Variants in AGTPBP1 observed in about 807,000 individuals in gnomAD.
AGTPBP1 encodes the protein cytosolic carboxypeptidase 1.
In AGTPBP1, 70 loss-of-function variants were observed where a neutral mutation model predicts 143.9. The ratio of observed to expected loss-of-function variants is 0.49; its 90% CI spans 0.40 to 0.59. The LOEUF is 0.59. Ranked by LOEUF, AGTPBP1 falls within the 20% of genes least tolerant of loss-of-function variation. AGTPBP1 has a pLI of 0.00. For missense variants in AGTPBP1, 1,229 were observed against 1,464.5 expected (o/e 0.84, Z 2.62); for synonymous variants, 463 against 500.2 (o/e 0.93, Z 0.99).
the AGTPBP1 span, among the ~76,000 whole-genome samples, chr9:85,777,244 T>C: frequency 6.6e-6 from 1 of 152,154 alleles, no homozygotes. Flanking sequence ...GGCAGAAGCA[T>C]TGCGTGCAGG....
intron 2 of AGTPBP1, among the ~76,000 whole-genome samples, chr9:85,697,247 G>C (rs1836306160): frequency 6.6e-6 from 1 of 151,898 alleles, no homozygotes; most frequent in South Asian, 2.1e-4. Context: ...AAGAGAATCT[G>C]TTTTCTATTA....
chr9:85,777,671 G>GT, the AGTPBP1 span, among the ~76,000 whole-genome samples: 1 of 152,186 alleles, frequency 6.6e-6, no homozygotes. Flanking sequence ...TATCTTCACA[G>GT]TTTTTGACTA....
intron 14 of AGTPBP1, among the ~76,000 whole-genome samples, chr9:85,630,305 G>T (rs1032278985): frequency 6.6e-6 from 1 of 152,176 alleles, no homozygotes; most frequent in African/African-American, 2.4e-5. Flanking sequence ...CTCAATCACT[G>T]CAACTGTTCT....
chr9:85,717,019 T>C (rs940418485), intron 1 of AGTPBP1, among the ~76,000 whole-genome samples: 1 of 152,228 alleles, frequency 6.6e-6, no homozygotes, highest in Non-Finnish European at 1.5e-5. Context: ...AATGTGCTTC[T>C]GCCAGATATC....
intron 19 of AGTPBP1, among the ~76,000 whole-genome samples, chr9:85,590,172 T>C (rs1828865223): frequency 1.3e-5 from 2 of 152,098 alleles, no homozygotes. Flanking sequence ...AATACGGGTT[T>C]GTTGTAAAAT....
intron 17 of AGTPBP1, among the ~76,000 whole-genome samples, chr9:85,608,449 T>C (rs1830115427): frequency 6.6e-6 from 1 of 152,052 alleles, no homozygotes; most frequent in Non-Finnish European, 1.5e-5. Context: ...ACATAATCAA[T>C]GTGGCAATTT....
the AGTPBP1 span, among the ~76,000 whole-genome samples, chr9:85,773,320 CTTTTTTTTTTTTTTTTT>C: frequency 6.7e-5 from 2 of 29,946 alleles, no homozygotes; most frequent in East Asian, 1.1e-3. Flanking sequence ...CCAACAAATT[CTTTTTTTTTTTTTTTTT>C]TTTTTTTTTT....
the AGTPBP1 span, chr9:85,785,850 C>G: frequency 3.9e-6 from 1 of 254,066 alleles, no homozygotes; most frequent in Non-Finnish European, 7.5e-6. Flanking sequence ...GTACCAAACC[C>G]CCAAAAGACT....
chr9:85,708,409 G>A (rs1837154301), intron 2 of AGTPBP1, among the ~76,000 whole-genome samples: 1 of 152,142 alleles, frequency 6.6e-6, no homozygotes, highest in African/African-American at 2.4e-5. Context: ...TTAAGGCATG[G>A]ACATCTCCTA....
intron 13 of AGTPBP1, 24 bp from the exon 14 acceptor site, chr9:85,633,398 A>C (rs763232431): frequency 6.8e-7 from 1 of 1,460,736 alleles, no homozygotes. Context: ...AACATGTTTA[A>C]TCTTTTAACT....
the AGTPBP1 span, among the ~76,000 whole-genome samples, chr9:85,763,096 A>C: frequency 6.6e-6 from 1 of 152,048 alleles, no homozygotes; most frequent in Non-Finnish European, 1.5e-5. Flanking sequence ...AGGAAAATTA[A>C]GTCTAATAAA....
chr9:85,719,276 T>A (rs1662482637), intron 1 of AGTPBP1, among the ~76,000 whole-genome samples: 1 of 151,968 alleles, frequency 6.6e-6, no homozygotes, highest in African/African-American at 2.4e-5. Context: ...ATTTTCACAA[T>A]ATTGATTCTT....
rs551828537 is a variant in AGTPBP1, at chr9:85,642,697, C to T, written c.1302+130G>A. Reference sequence around the variant, plus strand: ...ATATTGACATAATTATTCAATGCCACTCAGAAAAGCAATGCTAGTTTCACT... The same window carrying T: ...ATATTGACATAATTATTCAATGCCATTCAGAAAAGCAATGCTAGTTTCACT... On this transcript the variant is annotated intron_variant, in intron 13 of 25. Transcript: ENST00000357081. The T allele has an allele frequency of 1.3e-4, 99 of 749,030 alleles. No homozygotes were observed. In the African/African-American group the frequency reaches 1.7e-3, roughly 13 times the overall value. 46.4% of individuals were successfully genotyped at this position (749,030 alleles called of 1,614,324 possible). A position where few individuals can be genotyped will look rare whatever the true frequency, so the allele number is the denominator to read the frequency against.
At chr9:85,712,925 GA>G (rs575266349) in intron 1 of AGTPBP1, among the ~76,000 whole-genome samples, 38 of 152,134 alleles carry the variant, frequency 2.5e-4, no homozygotes, top group Non-Finnish European at 4.7e-4. Flanking sequence ...AGCATCCTGT[GA>G]TTAGTGCACT....
chr9:85,632,690 T>C lies in AGTPBP1; in HGVS notation c.1987A>G (p.Ile663Val), dbSNP rs1164444875. ...TGTACACCATAAGGCCTTTCTAAAA[T>C]AGGCTCTTTGAATGGAGGCGGAATG... is the stretch of plus-strand genomic sequence containing the variant. ...GHIPPPFKEP[I>V]LERPYGVQRT... Residue 663 changes from isoleucine to valine, a missense_variant, in exon 14 of 26, where the codon ATT (isoleucine) becomes GTT (valine). Physicochemically the swap from Ile to Val is conservative, Grantham distance 29. Transcript: ENST00000357081. 3.1e-6 allele frequency: 5 copies of C among 1,611,674 alleles called. No individual in the cohort carries two copies. In the African/African-American group the frequency reaches 4.0e-5, roughly 13 times the overall value.
intron 1 of AGTPBP1, among the ~76,000 whole-genome samples, chr9:85,721,786 C>T (rs372669783): frequency 6.6e-6 from 1 of 152,268 alleles, no homozygotes; most frequent in South Asian, 2.1e-4. Context: ...TACAATTTGG[C>T]ATGTTTTTGC....
the AGTPBP1 span, chr9:85,786,238 A>T: frequency 1.2e-6 from 2 of 1,601,728 alleles, no homozygotes; most frequent in South Asian, 2.2e-5. Context: ...CAGCTTAAGA[A>T]CACAGCCAAA....
the AGTPBP1 span, among the ~76,000 whole-genome samples, chr9:85,761,804 C>G: frequency 6.6e-6 from 1 of 152,136 alleles, no homozygotes; most frequent in Non-Finnish European, 1.5e-5. Context: ...AGCTTCTGCA[C>G]AGCAAAAGAA....
At chr9:85,594,588 TAA>T (rs11292909) in intron 18 of AGTPBP1, among the ~76,000 whole-genome samples, 10 of 150,478 alleles carry the variant, frequency 6.6e-5, no homozygotes, top group Admixed American at 2.0e-4. Flanking sequence ...AGACTGTGTT[TAA>T]AAAAAAAAAT....
Sources: gnomAD v4.1 joint callset for allele counts (sites outside exome capture counted in the v4.1 genomes callset) on GRCh38, gnomAD v4.1.1 for gene constraint, MANE v1.5 for transcripts, NCBI Gene and HGNC (gene_info 2026-07-23, HGNC 2026-07-21) for gene names.